Variants in THADA observed in about 807,000 individuals in gnomAD.
THADA encodes THADA armadillo repeat containing, also known as tRNA (32-2'-O)-methyltransferase regulator THADA.
Under a neutral mutation model 219.8 loss-of-function variants are expected in THADA, and 213 were observed. That is an observed-to-expected ratio of 0.97 (90% CI 0.87 to 1.09). The LOEUF (loss-of-function observed/expected upper bound fraction) is 1.09. Among genes scored for constraint, THADA ranks in the 50% least tolerant of loss-of-function variants. THADA has a pLI of 0.00. For missense variants in THADA, 2,956 were observed against 2,311.3 expected, an observed-to-expected ratio of 1.28 and a Z score of -5.72; for synonymous variants, 1,018 against 828.9, an observed-to-expected ratio of 1.23 and a Z score of -3.92.
intron 30 of THADA, among the ~76,000 whole-genome samples, chr2:43,337,898 A>G (rs530819940): frequency 6.6e-6 from 1 of 152,350 alleles, no homozygotes; most frequent in African/African-American, 2.4e-5. Context: ...AAAAATAGGC[A>G]AAAGTATTTT....
At chr2:43,458,354 A>G (rs7599799) in intron 26 of THADA, among the ~76,000 whole-genome samples, 16,807 of 152,200 alleles carry the variant, frequency 0.11, 1,055 homozygotes, top group African/African-American at 0.16. Context: ...CAAGAGTCCA[A>G]TGCCACCTGA....
intron 28 of THADA, among the ~76,000 whole-genome samples, chr2:43,426,197 A>G (rs1277500753): frequency 1.3e-5 from 2 of 152,216 alleles, no homozygotes; most frequent in Non-Finnish European, 2.9e-5. Flanking sequence ...AATGAGTAGT[A>G]TCAGCATTCT....
chr2:43,278,496 G>A (rs911759008), intron 36 of THADA, among the ~76,000 whole-genome samples: 1 of 152,170 alleles, frequency 6.6e-6, no homozygotes, highest in Non-Finnish European at 1.5e-5. Flanking sequence ...TTGGAAAAAT[G>A]AATAAATTGC....
intron 19 of THADA, 31 bp downstream of exon 19, chr2:43,551,758 G>T: frequency 2.5e-6 from 4 of 1,597,930 alleles, no homozygotes; most frequent in Non-Finnish European, 3.4e-6. Flanking sequence ...TCAAACCACA[G>T]CACTCTAGCC....
chr2:43,587,586 C>G (rs1421855413), intron 4 of THADA, among the ~76,000 whole-genome samples: 1 of 152,152 alleles, frequency 6.6e-6, no homozygotes, highest in Non-Finnish European at 1.5e-5. Context: ...CCTTTCAGGT[C>G]AATCTCAATT....
chr2:43,260,429 T>A (rs559928376), intron 36 of THADA, among the ~76,000 whole-genome samples: 1 of 152,356 alleles, frequency 6.6e-6, no homozygotes, highest in East Asian at 1.9e-4. Context: ...TACCTATTTT[T>A]AAAGACTTCC....
At chr2:43,399,371 T>C (rs75015784) in intron 28 of THADA, among the ~76,000 whole-genome samples, 1 of 152,346 alleles carries the variant, frequency 6.6e-6, no homozygotes, top group African/African-American at 2.4e-5. Flanking sequence ...TACATGGCCA[T>C]GTTGGCTCAG....
intron 31 of THADA, among the ~76,000 whole-genome samples, chr2:43,312,457 AT>A (rs1677623871): frequency 6.6e-6 from 1 of 152,166 alleles, no homozygotes; most frequent in South Asian, 2.1e-4. Flanking sequence ...AATTGCTATG[AT>A]CTCTAAACTA....
intron 36 of THADA, among the ~76,000 whole-genome samples, chr2:43,259,338 C>T (rs1269917369): frequency 6.6e-6 from 1 of 152,208 alleles, no homozygotes; most frequent in Non-Finnish European, 1.5e-5. Context: ...TGAATGCTGG[C>T]CAGGGAAACC....
At chr2:43,424,923 T>C (rs1276557208) in intron 28 of THADA, among the ~76,000 whole-genome samples, 1 of 152,032 alleles carries the variant, frequency 6.6e-6, no homozygotes, top group African/African-American at 2.4e-5. Context: ...AAGGAACAGA[T>C]CCCACCATTG....
intron 28 of THADA, among the ~76,000 whole-genome samples, chr2:43,418,039 A>C (rs910249324): frequency 6.6e-6 from 1 of 152,230 alleles, no homozygotes; most frequent in African/African-American, 2.4e-5. Flanking sequence ...AGAGATAAGA[A>C]GCATCGTCAA....
intron 29 of THADA, among the ~76,000 whole-genome samples, chr2:43,347,237 C>T (rs893125332): frequency 8.5e-5 from 13 of 152,096 alleles, no homozygotes; most frequent in African/African-American, 1.7e-4. Context: ...TGGTAAATGG[C>T]GTATAATAAT....
At chr2:43,453,490 T>C (rs191802982) in intron 26 of THADA, among the ~76,000 whole-genome samples, 6 of 152,350 alleles carry the variant, frequency 3.9e-5, no homozygotes, top group African/African-American at 1.4e-4. Context: ...GTATAACTCA[T>C]TATTGCTATT....
At chr2:43,460,339 T>C (rs950759061) in intron 26 of THADA, among the ~76,000 whole-genome samples, 1 of 148,894 alleles carries the variant, frequency 6.7e-6, no homozygotes, top group African/African-American at 2.5e-5. Flanking sequence ...TAAGAAAGAG[T>C]TGGCAGTACC....
intron 29 of THADA, among the ~76,000 whole-genome samples, chr2:43,377,586 G>T (rs1029135355): frequency 6.6e-6 from 1 of 152,178 alleles, no homozygotes; most frequent in Non-Finnish European, 1.5e-5. Context: ...TCACTAGAAA[G>T]CTCCATCATC....
At chr2:43,372,771 A>G (rs1319982810) in intron 29 of THADA, among the ~76,000 whole-genome samples, 2 of 152,144 alleles carry the variant, frequency 1.3e-5, no homozygotes, top group Non-Finnish European at 2.9e-5. Context: ...ATTTTTTGAG[A>G]CAGATTCTCA....
At chr2:43,551,990 A>G in intron 18 of THADA, 65 bp from the exon 19 acceptor site, 1 of 1,578,588 alleles carries the variant, frequency 6.3e-7, no homozygotes, top group South Asian at 1.2e-5. Flanking sequence ...AATGAAAATT[A>G]GATAAAAGGA....
chr2:43,464,680 T>C (rs970142397), intron 26 of THADA, among the ~76,000 whole-genome samples: 2 of 152,180 alleles, frequency 1.3e-5, no homozygotes, highest in African/African-American at 4.8e-5. Context: ...GTACATTTAA[T>C]GTACCACAAT....
At position 43,505,778 on chromosome 2, in the gene THADA, C is replaced by T. The variant is rs770884233; in HGVS notation, c.3508-43G>A. ...AAAAATTAACAGGGTTCTTAGTTTACATATACTTGTTTGCTGCTTCCCTGG... is the reference window on the plus strand; with the variant it reads ...AAAAATTAACAGGGTTCTTAGTTTATATATACTTGTTTGCTGCTTCCCTGG... On this transcript the variant is annotated intron_variant, in intron 23 of 37. Coordinates refer to ENST00000405975, the MANE Select transcript of THADA (RefSeq NM_022065.5). The T allele has an allele frequency of 2.9e-6, 4 of 1,383,276 alleles. No individual in the cohort carries two copies. The African/African-American group carries it at 4.3e-5, about 15-fold the overall frequency. The allele number at this position is 1,383,276 out of a possible 1,614,324, so 85.7% of individuals were successfully genotyped here.
Sources: gnomAD v4.1 joint callset for allele counts (sites outside exome capture counted in the v4.1 genomes callset) on GRCh38, gnomAD v4.1.1 for gene constraint, MANE v1.5 for transcripts, NCBI Gene and HGNC (gene_info 2026-07-23, HGNC 2026-07-21) for gene names.